The following PTN variants were observed in gnomAD, a reference collection of about 807,000 sequenced individuals.
PTN encodes the protein heparin affin regulatory protein.
Under a neutral mutation model 24.1 loss-of-function variants are expected in PTN, and 18 were observed. The observed-to-expected ratio is 0.75, with a 90% CI of 0.52 to 1.11. The LOEUF (loss-of-function observed/expected upper bound fraction) is 1.11. Ranked by LOEUF, PTN falls within the 50% of genes least tolerant of loss-of-function variation. PTN has a pLI of 0.00. For missense variants in PTN, 163 were observed against 198.8 expected, an observed-to-expected ratio of 0.82 and a Z score of 1.08; for synonymous variants, 78 against 68.6, an observed-to-expected ratio of 1.14 and a Z score of -0.67.
At chr7:137,251,504 T>A in intron 3 of PTN, 113 bp from the exon 4 acceptor site, 8 of 1,178,186 alleles carry the variant, frequency 6.8e-6, no homozygotes, top group Non-Finnish European at 1.2e-6. Flanking sequence ...TATAGATCCA[T>A]ATGCAGCTAT....
chr7:137,343,675 A>T lies in PTN; in HGVS notation c.-238T>A, dbSNP rs1431657151. On this transcript the variant is annotated 5_prime_UTR_variant, in exon 1 of 5. Coordinates refer to ENST00000348225, the MANE Select transcript of PTN (RefSeq NM_002825.7). ...TTTGGACTGGAAGGCGGGGAACCTG[A>T]TCCTGCCTTTGACTCAATTACGCCC... 3.9e-6 allele frequency: 2 copies of T among 512,020 alleles called. No individual in the cohort carries two copies. The highest frequency in any genetic ancestry group is 7.8e-6 in the Non-Finnish European group (2 of 256,420). 31.7% of individuals were successfully genotyped at this position (512,020 alleles called of 1,614,324 possible).
At chr7:137,240,337 G>A (rs1351032647) in intron 4 of PTN, among the ~76,000 whole-genome samples, 1 of 152,058 alleles carries the variant, frequency 6.6e-6, no homozygotes, top group African/African-American at 2.4e-5. Flanking sequence ...ATAAAAACAT[G>A]AATACATTAG....
Position 137,311,964 on chromosome 7 carries a change from C to T in PTN, c.-2+31475G>A, listed in dbSNP as rs1809989450. Reference sequence around the variant, plus strand: ...ACAGATCTTCCATCTGTAAAATATGCAATCTCTGAGAAGCACAATTAAGCA... The same window carrying T: ...ACAGATCTTCCATCTGTAAAATATGTAATCTCTGAGAAGCACAATTAAGCA... On this transcript the variant is annotated intron_variant, in intron 1 of 4. Coordinates refer to ENST00000348225, the MANE Select transcript of PTN (RefSeq NM_002825.7). Among the ~76,000 whole-genome samples, 4 of 128,288 alleles carry T rather than the reference C, an allele frequency of 3.1e-5. 1 individual carries two copies. Among genetic ancestry groups the T allele is most frequent in the African/African-American group, 2.1e-4 (4 of 19,418 alleles). The allele number at this position is 128,288 out of a possible 152,430, so 84.2% of individuals were successfully genotyped here. A position where few individuals can be genotyped will look rare whatever the true frequency, so the allele number is the denominator to read the frequency against.
chr7:137,328,088 C>A (rs574740994), intron 1 of PTN, among the ~76,000 whole-genome samples: 3 of 152,256 alleles, frequency 2.0e-5, no homozygotes, highest in African/African-American at 7.2e-5. Flanking sequence ...TCTTACTTCC[C>A]TGTTTCAGCT....
intron 1 of PTN, among the ~76,000 whole-genome samples, chr7:137,276,960 T>A (rs1239044017): frequency 6.6e-6 from 1 of 152,230 alleles, no homozygotes; most frequent in Non-Finnish European, 1.5e-5. Flanking sequence ...CCAGAATTGA[T>A]AAGTGAGTTT....
At chr7:137,314,408 T>C (rs2128880268) in intron 1 of PTN, among the ~76,000 whole-genome samples, 1 of 152,262 alleles carries the variant, frequency 6.6e-6, no homozygotes, top group East Asian at 1.9e-4. Context: ...TAGACATATA[T>C]AAAAATATGT....
chr7:137,291,036 T>C (rs547083510), intron 1 of PTN, among the ~76,000 whole-genome samples: 1 of 152,150 alleles, frequency 6.6e-6, no homozygotes, highest in Admixed American at 6.6e-5. Context: ...AAATTGTCAA[T>C]AACCAATATG....
chr7:137,305,581 G>A (rs1174702084), intron 1 of PTN, among the ~76,000 whole-genome samples: 1 of 151,994 alleles, frequency 6.6e-6, no homozygotes, highest in East Asian at 1.9e-4. Context: ...TGTGGCATTA[G>A]TCCTAAATAA....
intron 4 of PTN, among the ~76,000 whole-genome samples, chr7:137,247,817 C>T (rs1808750120): frequency 6.6e-6 from 1 of 152,028 alleles, no homozygotes; most frequent in Non-Finnish European, 1.5e-5. Flanking sequence ...AGAAAAAAGA[C>T]AACATTCACC....
intron 1 of PTN, among the ~76,000 whole-genome samples, chr7:137,276,883 A>G (rs1361817762): frequency 6.6e-6 from 1 of 152,200 alleles, no homozygotes; most frequent in Admixed American, 6.5e-5. Context: ...TTTGATACTT[A>G]GAAATATCAG....
chr7:137,244,793 A>G (rs1808694972), intron 4 of PTN, among the ~76,000 whole-genome samples: 1 of 152,164 alleles, frequency 6.6e-6, no homozygotes, highest in South Asian at 2.1e-4. Flanking sequence ...CAACATTGAC[A>G]TAGCAATAGG....
intron 1 of PTN, among the ~76,000 whole-genome samples, chr7:137,304,172 T>C (rs895330788): frequency 9.2e-5 from 14 of 152,022 alleles, no homozygotes; most frequent in African/African-American, 3.4e-4. Context: ...ATTATTCTCC[T>C]TTCCTCTGAT....
intron 4 of PTN, among the ~76,000 whole-genome samples, chr7:137,243,321 A>G (rs972638078): frequency 2.0e-5 from 3 of 152,206 alleles, no homozygotes; most frequent in African/African-American, 7.2e-5. Context: ...TTATTCCCGC[A>G]GAAAATAAAA....
intron 1 of PTN, among the ~76,000 whole-genome samples, chr7:137,323,482 C>T (rs1810199675): frequency 6.6e-6 from 1 of 152,114 alleles, no homozygotes; most frequent in Non-Finnish European, 1.5e-5. Flanking sequence ...GCCAAACTTT[C>T]AAATGATGTC....
intron 2 of PTN, 130 bp from the exon 3 acceptor site, chr7:137,253,767 A>T: frequency 1.3e-6 from 1 of 765,684 alleles, no homozygotes; most frequent in Non-Finnish European, 1.9e-6. Context: ...TTGTCTAATG[A>T]ATAGTAGAAA....
chr7:137,261,886 T>C (rs1055103484), intron 1 of PTN, among the ~76,000 whole-genome samples: 3 of 152,208 alleles, frequency 2.0e-5, no homozygotes, highest in African/African-American at 4.8e-5. Context: ...GGGCCCTCTC[T>C]GGAATGGAGA....
At chr7:137,341,955 A>G (rs1439749474) in intron 1 of PTN, among the ~76,000 whole-genome samples, 4 of 152,184 alleles carry the variant, frequency 2.6e-5, no homozygotes, top group African/African-American at 9.7e-5. Context: ...GGAAGAAAAA[A>G]ATATTCATTC....
rs370867268 is a variant in PTN, at chr7:137,255,678, A to T, written c.-1-704T>A. Among the ~76,000 whole-genome samples the T allele has an allele frequency of 3.9e-5, 6 of 152,376 alleles. No individual in the cohort carries two copies. In the East Asian group the frequency reaches 9.6e-4, roughly 24 times the overall value. On this transcript the variant is annotated intron_variant, in intron 1 of 4. Transcript: ENST00000348225. Reference sequence around the variant, plus strand: ...TATGGTGAAGTCTTTACACTCACTCATAATAGGAAATGCTCACATTTGATG... The same window carrying T: ...TATGGTGAAGTCTTTACACTCACTCTTAATAGGAAATGCTCACATTTGATG...
At chr7:137,251,095 C>T (rs1021835882) in intron 4 of PTN, 135 bp downstream of exon 4, 1 of 1,033,726 alleles carries the variant, frequency 9.7e-7, no homozygotes, top group African/African-American at 1.6e-5. Flanking sequence ...TTTTGTGACT[C>T]TCAGTGTAGG....
Sources: allele counts gnomAD v4.1 joint callset (sites outside exome capture counted in the v4.1 genomes callset), GRCh38; gene constraint gnomAD v4.1.1; transcripts MANE v1.5; gene names NCBI Gene and HGNC (gene_info 2026-07-23, HGNC 2026-07-21).